PRKACB: variants seen among roughly 807,000 people sequenced by gnomAD.
PRKACB encodes the protein cAMP-dependent protein kinase catalytic subunit beta.
In PRKACB, 16 loss-of-function variants were observed where a neutral mutation model predicts 51.4. That is an observed-to-expected ratio of 0.31 (90% confidence interval 0.21 to 0.47). The LOEUF (loss-of-function observed/expected upper bound fraction) is 0.47, where lower values mean the gene tolerates loss of function less well. PRKACB is among the 20% of genes least tolerant of loss of function. The pLI, the probability that PRKACB is intolerant of heterozygous loss-of-function variation, is 1.00. For missense variants in PRKACB, 309 were observed against 464.5 expected, an observed-to-expected ratio of 0.67 and a Z score of 3.08; for synonymous variants, 147 against 154.4, an observed-to-expected ratio of 0.95 and a Z score of 0.35.
rs1464274721 is a variant in PRKACB at position 84,173,187 on chromosome 1, T to G, written c.188-5990T>G. ...AGAATTTCTTGTAATCCTTATATAA[T>G]ACATTTTTGGTATGTATGTTCAATT... On this transcript the variant is annotated intron_variant, in intron 1 of 9. Transcript: ENST00000370685. 6.0e-5 allele frequency: 31 copies of G among 514,750 alleles called. 1 individual carries two copies. The South Asian group carries it at 1.4e-3, about 24-fold the overall frequency. 31.9% of individuals were successfully genotyped at this position (514,750 alleles called of 1,614,324 possible).
At chr1:84,089,566 A>G (rs898395517) in intron 1 of PRKACB, among the ~76,000 whole-genome samples, 5 of 152,110 alleles carry the variant, frequency 3.3e-5, no homozygotes, top group African/African-American at 1.2e-4. Context: ...CTTATTCATC[A>G]AATATTTTGG....
At chr1:84,168,934 G>A (rs1412293534) in intron 1 of PRKACB, among the ~76,000 whole-genome samples, 1 of 151,490 alleles carries the variant, frequency 6.6e-6, no homozygotes, top group Non-Finnish European at 1.5e-5. Context: ...TATAGTCCTG[G>A]CCACATTCCC....
chr1:84,100,550 G>A (rs1649272844), intron 1 of PRKACB, among the ~76,000 whole-genome samples: 1 of 152,104 alleles, frequency 6.6e-6, no homozygotes, highest in Non-Finnish European at 1.5e-5. Flanking sequence ...ACATTTAATG[G>A]CAGAATTTTG....
At chr1:84,212,630 G>A (rs1672310784) in intron 8 of PRKACB, among the ~76,000 whole-genome samples, 2 of 152,080 alleles carry the variant, frequency 1.3e-5, no homozygotes, top group South Asian at 2.1e-4. Context: ...GCTATACCCA[G>A]TAACATTGCT....
chr1:84,101,536 T>C (rs1390601611), intron 1 of PRKACB, among the ~76,000 whole-genome samples: 3 of 152,210 alleles, frequency 2.0e-5, no homozygotes, highest in African/African-American at 4.8e-5. Context: ...CTTCCTACTT[T>C]CTTTTTAACT....
At chr1:84,103,933 G>A (rs1410724264) in intron 1 of PRKACB, among the ~76,000 whole-genome samples, 3 of 152,102 alleles carry the variant, frequency 2.0e-5, no homozygotes, top group Non-Finnish European at 4.4e-5. Flanking sequence ...AGGGTAATTA[G>A]TATTTCCTTA....
intron 1 of PRKACB, among the ~76,000 whole-genome samples, chr1:84,084,573 A>AT (rs138178525): frequency 0.18 from 27,524 of 152,008 alleles, 2,783 homozygotes; most frequent in South Asian, 0.25. Flanking sequence ...TGGGTGAGGG[A>AT]TTTTGAGGGT....
chr1:84,164,503 A>G, intron 1 of PRKACB: 1 of 1,508,714 alleles, frequency 6.6e-7, no homozygotes, highest in Non-Finnish European at 9.0e-7. Context: ...AATTTAAGAA[A>G]TCTGGTAATT....
chr1:84,220,492 G>A (rs1673538093), intron 9 of PRKACB, among the ~76,000 whole-genome samples: 2 of 152,170 alleles, frequency 1.3e-5, no homozygotes, highest in Non-Finnish European at 2.9e-5. Flanking sequence ...AATAGGAGTG[G>A]TGAAAGTGGA....
chr1:84,127,200 A>T (rs1651695823), intron 1 of PRKACB, among the ~76,000 whole-genome samples: 1 of 152,204 alleles, frequency 6.6e-6, no homozygotes, highest in Non-Finnish European at 1.5e-5. Context: ...AGATGAAGAT[A>T]AATAGGGAGG....
Position 84,214,073 on chromosome 1 carries a change from A to G in PRKACB, c.907-80A>G, listed in dbSNP as rs1469474931. 5 of 1,374,534 alleles carry G rather than the reference A, an allele frequency of 3.6e-6. No individual in the cohort carries two copies. The Admixed American group carries it at 1.5e-4, about 41-fold the overall frequency. 85.1% of individuals were successfully genotyped at this position (1,374,534 alleles called of 1,614,324 possible). A position where few individuals can be genotyped will look rare whatever the true frequency, so the allele number is the denominator to read the frequency against. On this transcript the variant is annotated intron_variant, in intron 8 of 9. Coordinates refer to ENST00000370685, the MANE Select transcript of PRKACB (RefSeq NM_182948.4). ...GTTTATATAATGGCTTGTTGCCTTGAAAAAAAAACTTTATGAAATCAAAAC... is the reference window on the plus strand; with the variant it reads ...GTTTATATAATGGCTTGTTGCCTTGGAAAAAAAACTTTATGAAATCAAAAC...
chr1:84,104,156 A>T (rs920687467), intron 1 of PRKACB, among the ~76,000 whole-genome samples: 1 of 152,126 alleles, frequency 6.6e-6, no homozygotes, highest in African/African-American at 2.4e-5. Flanking sequence ...AACTTTTAAT[A>T]ACCACAATTC....
chr1:84,159,515 T>TCTATATATAGA (rs1270647007), intron 1 of PRKACB, among the ~76,000 whole-genome samples: 1 of 152,102 alleles, frequency 6.6e-6, no homozygotes, highest in African/African-American at 2.4e-5. Context: ...ATAGATTCCT[T>TCTATATATAGA]ATAATTTTCT....
intron 9 of PRKACB, among the ~76,000 whole-genome samples, chr1:84,228,059 C>A (rs1674935209): frequency 6.6e-6 from 1 of 152,174 alleles, no homozygotes; most frequent in Admixed American, 6.6e-5. Context: ...GCTCATTCTT[C>A]TGGGTAGTGC....
intron 1 of PRKACB, among the ~76,000 whole-genome samples, chr1:84,150,610 AAAC>A (rs1654734549): frequency 6.6e-6 from 1 of 152,018 alleles, no homozygotes; most frequent in African/African-American, 2.4e-5. Context: ...TGTTTTTTTA[AAAC>A]AAACATGGCA....
chr1:84,114,535 A>T (rs1180824574), intron 1 of PRKACB, among the ~76,000 whole-genome samples: 4 of 152,052 alleles, frequency 2.6e-5, no homozygotes, highest in Non-Finnish European at 5.9e-5. Context: ...ATAGTGATGA[A>T]GTTAGGGTAT....
At chr1:84,157,087 G>A (rs1655593357) in intron 1 of PRKACB, among the ~76,000 whole-genome samples, 1 of 152,038 alleles carries the variant, frequency 6.6e-6, no homozygotes, top group African/African-American at 2.4e-5. Context: ...AGAGATTTTT[G>A]TAATTCTGAA....
At chr1:84,106,540 C>T (rs761131518) in intron 1 of PRKACB, among the ~76,000 whole-genome samples, 1 of 152,110 alleles carries the variant, frequency 6.6e-6, no homozygotes, top group Non-Finnish European at 1.5e-5. Flanking sequence ...GCTAGGAATA[C>T]AGCTAACCAA....
chr1:84,078,515 C>T, intron 1 of PRKACB: 1 of 918,804 alleles, frequency 1.1e-6, no homozygotes, highest in Non-Finnish European at 1.6e-6. Context: ...GCCGGGAGAC[C>T]AGCTGCCTTT....
Sources: allele counts gnomAD v4.1 joint callset (sites outside exome capture counted in the v4.1 genomes callset), GRCh38; gene constraint gnomAD v4.1.1; transcripts MANE v1.5; gene names NCBI Gene and HGNC (gene_info 2026-07-23, HGNC 2026-07-21).